SULF1: variants seen among roughly 807,000 people sequenced by gnomAD.
The protein encoded by SULF1 is extracellular sulfatase Sulf-1.
In SULF1, 46 loss-of-function variants were observed where a neutral mutation model predicts 110.5. The observed-to-expected ratio is 0.42, with a 90% CI of 0.33 to 0.53. SULF1 has a LOEUF of 0.53. SULF1 is among the 20% of genes least tolerant of loss of function. SULF1 has a pLI of 0.12. For missense variants in SULF1, 941 were observed against 1,094.2 expected (o/e 0.86, Z 1.98); for synonymous variants, 371 against 387.1 (o/e 0.96, Z 0.49).
At chr8:69,525,334 A>G (rs1563496591) in intron 3 of SULF1, among the ~76,000 whole-genome samples, 1 of 152,102 alleles carries the variant, frequency 6.6e-6, no homozygotes, top group African/African-American at 2.4e-5. Flanking sequence ...AACAAATTCT[A>G]TTTTCTTTTG....
chr8:69,532,165 A>G (rs1212914606), intron 3 of SULF1, among the ~76,000 whole-genome samples: 1 of 152,198 alleles, frequency 6.6e-6, no homozygotes, highest in Non-Finnish European at 1.5e-5. Context: ...TAGCATACCC[A>G]TTTAAATTTC....
chr8:69,550,285 A>C (rs1814599598), intron 3 of SULF1, among the ~76,000 whole-genome samples: 1 of 152,114 alleles, frequency 6.6e-6, no homozygotes, highest in Non-Finnish European at 1.5e-5. Context: ...AAAAAGAAAA[A>C]AAAATGAGTG....
chr8:69,624,107 T>G lies in SULF1; in HGVS notation c.1760T>G (p.Leu587Arg). Residue 587 changes from leucine (L) to arginine (R), a missense_variant, in exon 15 of 23, where the codon CTC becomes CGC. By Grantham distance (102) the Leu-to-Arg change is moderately radical. Around this residue, in one of 3 missense-constraint regions of SULF1, gnomAD observed 822 missense variants for 934.3 expected, o/e 0.88. Transcript: ENST00000402687. The part of the protein sequence containing the change: ...HDEGHKGPRD[L>R]QASSGGNRGR... Reference sequence around the variant, plus strand: ...GAAGGCCACAAGGGGCCAAGAGATCTCCAGGCTTCCAGTGGTGGCAACAGG... The same window carrying G: ...GAAGGCCACAAGGGGCCAAGAGATCGCCAGGCTTCCAGTGGTGGCAACAGG... 1 of 1,613,928 alleles carries G rather than the reference T, an allele frequency of 6.2e-7. No individual in the cohort carries two copies. Among genetic ancestry groups the G allele is most frequent in the Non-Finnish European group, 8.5e-7 (1 of 1,179,884 alleles).
At chr8:69,628,046 A>G in intron 17 of SULF1, 125 bp from the exon 18 acceptor site, 1 of 946,624 alleles carries the variant, frequency 1.1e-6, no homozygotes, top group Non-Finnish European at 1.7e-6. Flanking sequence ...AAAAAGTCAC[A>G]TTCAGCTAAA....
intron 12 of SULF1, among the ~76,000 whole-genome samples, chr8:69,604,286 A>G (rs1027683719): frequency 6.6e-6 from 1 of 151,992 alleles, no homozygotes; most frequent in Non-Finnish European, 1.5e-5. Flanking sequence ...CATCCTCCCC[A>G]CGTTCTTCTC....
At chr8:69,649,438 C>T (rs1408758324) in intron 22 of SULF1, among the ~76,000 whole-genome samples, 3 of 152,188 alleles carry the variant, frequency 2.0e-5, no homozygotes, top group African/African-American at 7.2e-5. Context: ...TGTTACAAAG[C>T]AATTGTCAAA....
intron 19 of SULF1, among the ~76,000 whole-genome samples, chr8:69,633,402 C>A (rs1013898977): frequency 2.7e-5 from 4 of 150,660 alleles, no homozygotes; most frequent in Non-Finnish European, 5.9e-5. Flanking sequence ...GTTCTCAGCT[C>A]ACTGCAACCT....
intron 3 of SULF1, 22 bp downstream of exon 3, chr8:69,501,990 C>T (rs997652678): frequency 2.6e-5 from 4 of 152,178 alleles, no homozygotes; most frequent in African/African-American, 9.7e-5. Context: ...ATTTTTATCT[C>T]TAGCTTAAAC....
chr8:69,507,462 G>A (rs1018232419), intron 3 of SULF1, among the ~76,000 whole-genome samples: 1 of 152,072 alleles, frequency 6.6e-6, no homozygotes, highest in African/African-American at 2.4e-5. Context: ...TAATTTGACC[G>A]CATTTATCTG....
chr8:69,627,913 A>G (rs748782719), intron 17 of SULF1, 47 bp downstream of exon 17: 1 of 1,456,450 alleles, frequency 6.9e-7, no homozygotes, highest in East Asian at 2.3e-5. Flanking sequence ...TCATTTCCGC[A>G]CAAGCCAGAG....
chr8:69,535,091 A>T (rs1311056041), intron 3 of SULF1, among the ~76,000 whole-genome samples: 1 of 152,238 alleles, frequency 6.6e-6, no homozygotes, highest in Non-Finnish European at 1.5e-5. Context: ...TCCAGAGAAT[A>T]AGGAAAGCAT....
At chr8:69,554,797 G>A (rs1282078774) in intron 3 of SULF1, among the ~76,000 whole-genome samples, 1 of 151,932 alleles carries the variant, frequency 6.6e-6, no homozygotes, top group South Asian at 2.1e-4. Flanking sequence ...GGCTAACATG[G>A]TGAAACCCCG....
In SULF1 at chr8:69,659,491, A is replaced by G. The variant is rs1006137859; in HGVS notation, c.*956A>G. The G allele has an allele frequency of 7.5e-6, 2 of 266,650 alleles. No individual in the cohort carries two copies. Among genetic ancestry groups the G allele is most frequent in the Non-Finnish European group, 1.5e-5 (2 of 136,356 alleles). The allele number at this position is 266,650 out of a possible 1,614,324, so 16.5% of individuals were successfully genotyped here. On this transcript the variant is annotated 3_prime_UTR_variant, in exon 23 of 23. Transcript: ENST00000402687. ...GGTGTGCACACGGAGACTCATCGTTATAATTTACTATCTGCCAAGAGTAGA... is the reference window on the plus strand; with the variant it reads ...GGTGTGCACACGGAGACTCATCGTTGTAATTTACTATCTGCCAAGAGTAGA...
intron 3 of SULF1, among the ~76,000 whole-genome samples, chr8:69,511,731 C>T (rs1270109623): frequency 6.6e-6 from 1 of 152,162 alleles, no homozygotes; most frequent in Non-Finnish European, 1.5e-5. Flanking sequence ...ACCCAGAGTC[C>T]ACAATTTACA....
At chr8:69,469,623 A>G (rs1809000931) in intron 1 of SULF1, among the ~76,000 whole-genome samples, 2 of 152,268 alleles carry the variant, frequency 1.3e-5, no homozygotes, top group African/African-American at 4.8e-5. Context: ...AGCCATTTCC[A>G]TCATAATAGT....
intron 9 of SULF1, 78 bp downstream of exon 9, chr8:69,600,831 T>C (rs529689382): frequency 6.7e-7 from 1 of 1,484,566 alleles, no homozygotes; most frequent in South Asian, 1.4e-5. Flanking sequence ...CAATCCTGTT[T>C]GGTTTTTTCC....
rs150105998 is a variant in SULF1 at position 69,523,421 on chromosome 8, G to A, written c.-134+21453G>A. Among the ~76,000 whole-genome samples, 1,257 of 152,232 alleles carry A rather than the reference G, an allele frequency of 8.3e-3. 8 individuals carry two copies. The highest frequency in any genetic ancestry group is 0.017 in the Middle Eastern group (5 of 294). On this transcript the variant is annotated intron_variant, in intron 3 of 22. Coordinates refer to ENST00000402687, the MANE Select transcript of SULF1 (RefSeq NM_001128205.2). Reference sequence around the variant, plus strand: ...AGAGAATGGAAGAGTCGTGGGATTAGGGCAATAAAGTATGTTTGCGAGGCA... The same window carrying A: ...AGAGAATGGAAGAGTCGTGGGATTAAGGCAATAAAGTATGTTTGCGAGGCA...
chr8:69,582,411 C>T (rs1046096139), intron 6 of SULF1, among the ~76,000 whole-genome samples: 3 of 152,116 alleles, frequency 2.0e-5, no homozygotes, highest in South Asian at 2.1e-4. Flanking sequence ...ATGCTAATAA[C>T]AATATTAGTT....
At chr8:69,597,435 G>A (rs1807429778) in intron 8 of SULF1, 1 of 152,212 alleles carries the variant, frequency 6.6e-6, no homozygotes, top group Non-Finnish European at 1.5e-5. Flanking sequence ...CCCAGAGCTG[G>A]GGGTCATCTC....
Sources: allele counts gnomAD v4.1 joint callset (sites outside exome capture counted in the v4.1 genomes callset), GRCh38; gene constraint gnomAD v4.1.1; regional missense constraint gnomAD v4.1.1; transcripts MANE v1.5; gene names NCBI Gene and HGNC (gene_info 2026-07-23, HGNC 2026-07-21).